The following PIP5K1C variants were observed in gnomAD, a reference collection of about 807,000 sequenced individuals.
The protein encoded by PIP5K1C is phosphatidylinositol-4-phosphate 5-kinase type 1 gamma.
PIP5K1C carries 45 observed loss-of-function variants against 80.1 expected under a neutral mutation model. The ratio of observed to expected loss-of-function variants is 0.56; its 90% confidence interval spans 0.44 to 0.72. The LOEUF (loss-of-function observed/expected upper bound fraction) is 0.72, where lower values mean the gene tolerates loss of function less well. Ranked by LOEUF, PIP5K1C falls within the 30% of genes least tolerant of loss-of-function variation. The probability of loss-of-function intolerance (pLI) is 0.00; values close to 1 mark genes in which losing one functional copy is unlikely to be tolerated. For missense variants in PIP5K1C, 753 were observed against 954.6 expected (o/e 0.79, Z 2.78); for synonymous variants, 498 against 420.1 (o/e 1.19, Z -2.27).
intron 1 of PIP5K1C, among the ~76,000 whole-genome samples, chr19:3,670,591 C>A (rs1178800925): frequency 6.6e-6 from 1 of 152,276 alleles, no homozygotes; most frequent in African/African-American, 2.4e-5. Context: ...AGGCCTGCTG[C>A]TCCAAGCCCC....
chr19:3,651,976 ATGT>A lies in PIP5K1C; in HGVS notation c.974_976del (p.Asn325del). The A allele has an allele frequency of 6.2e-7, 1 of 1,613,050 alleles. No homozygotes were observed. The highest frequency in any genetic ancestry group is 8.5e-7 in the Non-Finnish European group (1 of 1,179,972). ...CTGCCGCTCGCGCTCGTGCTGGTCG[ATGT>A]TGTGCACGCCCAGCAGCAGGCTGTA... On this transcript the variant is annotated inframe_deletion, in exon 8 of 18. Coordinates refer to ENST00000335312, the MANE Select transcript of PIP5K1C (RefSeq NM_012398.3).
Position 3,632,184 on chromosome 19 carries a change from C to T in PIP5K1C, c.*983G>A, listed in dbSNP as rs1346071394. The T allele has an allele frequency of 6.6e-6, 1 of 152,334 alleles. No individual in the cohort carries two copies. The highest frequency in any genetic ancestry group is 1.5e-5 in the Non-Finnish European group (1 of 68,104). The allele number at this position is 152,334 out of a possible 1,614,324, so 9.4% of individuals were successfully genotyped here. Reference sequence around the variant, plus strand: ...AGAGGCGGCGGACATCCACACCAGTCCTGAAGGAGACTCCTGTGGAGCCGG... The same window carrying T: ...AGAGGCGGCGGACATCCACACCAGTTCTGAAGGAGACTCCTGTGGAGCCGG... On this transcript the variant is annotated 3_prime_UTR_variant, in exon 18 of 18. Coordinates refer to ENST00000335312, the MANE Select transcript of PIP5K1C (RefSeq NM_012398.3).
intron 16 of PIP5K1C, among the ~76,000 whole-genome samples, chr19:3,635,849 G>A (rs1172341717): frequency 6.6e-6 from 1 of 151,066 alleles, no homozygotes; most frequent in African/African-American, 2.4e-5. Flanking sequence ...GCATGATGGC[G>A]GGCGCCTGTA....
intron 3 of PIP5K1C, among the ~76,000 whole-genome samples, chr19:3,662,690 T>C (rs900061078): frequency 2.6e-5 from 4 of 151,552 alleles, no homozygotes; most frequent in South Asian, 2.1e-4. Flanking sequence ...CTCAGCTTCC[T>C]GAGTAGCTGG....
chr19:3,681,072 CT>C (rs1255644440), intron 1 of PIP5K1C, among the ~76,000 whole-genome samples: 1 of 151,908 alleles, frequency 6.6e-6, no homozygotes, highest in Non-Finnish European at 1.5e-5. Context: ...AATCTCGCCC[CT>C]GTTCGCCCCC....
At chr19:3,682,036 T>G (rs938361344) in intron 1 of PIP5K1C, among the ~76,000 whole-genome samples, 3 of 151,690 alleles carry the variant, frequency 2.0e-5, no homozygotes, top group African/African-American at 7.3e-5. Flanking sequence ...CCCCCACCAA[T>G]AGCACAGAGG....
chr19:3,652,128 G>A (rs901135968), intron 7 of PIP5K1C, 97 bp from the exon 8 acceptor site: 44 of 1,110,588 alleles, frequency 4.0e-5, no homozygotes, highest in African/African-American at 1.6e-4. Flanking sequence ...GGATGGCCCC[G>A]TGGGCTCGGG....
chr19:3,672,275 G>A (rs116493343), intron 1 of PIP5K1C, among the ~76,000 whole-genome samples: 10,528 of 152,304 alleles, frequency 0.069, 452 homozygotes, highest in Non-Finnish European at 0.091. Flanking sequence ...CCTGGCCTGC[G>A]CCTGGTCTCC....
chr19:3,637,857 C>A lies in PIP5K1C; in HGVS notation c.1920+1027G>T. The A allele has an allele frequency of 6.5e-7, 1 of 1,535,414 alleles. No individual in the cohort carries two copies. The highest frequency in any genetic ancestry group is 8.7e-7 in the Non-Finnish European group (1 of 1,146,698). ...CAGACACACAGCACGACATGGCCCC[C>A]AGGCCCCCCGTACCATCCGGAGACC... On this transcript the variant is annotated intron_variant, in intron 16 of 17. Transcript: ENST00000335312. This position sits in a 1 kb window ranked among gnomAD's most constrained non-coding sequence, Gnocchi z 7.0.
At chr19:3,667,794 AG>A (rs547759836) in intron 1 of PIP5K1C, among the ~76,000 whole-genome samples, 82 of 152,342 alleles carry the variant, frequency 5.4e-4, no homozygotes, top group Admixed American at 4.9e-3. Context: ...GAACTGACCA[AG>A]CCCCGCTTCC....
chr19:3,642,552 C>T (rs897948513), intron 14 of PIP5K1C, among the ~76,000 whole-genome samples: 1 of 152,302 alleles, frequency 6.6e-6, no homozygotes, highest in African/African-American at 2.4e-5. Context: ...AAGTATCTTC[C>T]AAGAGACAAA....
At chr19:3,656,626 C>T in intron 5 of PIP5K1C, 69 bp from the exon 6 acceptor site, 1 of 1,559,542 alleles carries the variant, frequency 6.4e-7, no homozygotes, top group Non-Finnish European at 8.8e-7. Context: ...GGCTTCCGGT[C>T]TGCCCAACAG....
chr19:3,636,084 G>A (rs767875011), intron 16 of PIP5K1C, among the ~76,000 whole-genome samples: 4 of 152,124 alleles, frequency 2.6e-5, no homozygotes, highest in Non-Finnish European at 5.9e-5. Context: ...TTGTACCTGG[G>A]GGGTGGAGGT....
At chr19:3,660,886 A>G in intron 5 of PIP5K1C, 80 bp downstream of exon 5, 1 of 1,168,082 alleles carries the variant, frequency 8.6e-7, no homozygotes, top group South Asian at 1.2e-5. Context: ...CTGCCCCCAA[A>G]TGCCTGACCC....
In PIP5K1C at chr19:3,638,090, G is replaced by A. The variant is rs1226040508; in HGVS notation, c.1920+794C>T. 7 of 1,427,912 alleles carry A rather than the reference G, an allele frequency of 4.9e-6. No homozygotes were observed. In the Admixed American group the frequency reaches 1.7e-4, roughly 34 times the overall value. 88.5% of individuals were successfully genotyped at this position (1,427,912 alleles called of 1,614,324 possible). A position where few individuals can be genotyped will look rare whatever the true frequency, so the allele number is the denominator to read the frequency against. ...CCCTAAGGCCTGGTGCCCGTGCCCAGCCCTCCTTCCCAGGGGGTGCAGGGT... is the reference window on the plus strand; with the variant it reads ...CCCTAAGGCCTGGTGCCCGTGCCCAACCCTCCTTCCCAGGGGGTGCAGGGT... On this transcript the variant is annotated intron_variant, in intron 16 of 17. Transcript: ENST00000335312.
chr19:3,637,797 C>T lies in PIP5K1C; in HGVS notation c.1920+1087G>A, dbSNP rs185060828. Reference sequence around the variant, plus strand: ...GGGGCAGGACCGAGGACCCTTCTCCCTTCTCTGCTGCCCACCTGGCAGGGC... The same window carrying T: ...GGGGCAGGACCGAGGACCCTTCTCCTTTCTCTGCTGCCCACCTGGCAGGGC... On this transcript the variant is annotated intron_variant, in intron 16 of 17. Transcript: ENST00000335312. The surrounding 1 kb of genome is among the most constrained non-coding windows in gnomAD (Gnocchi z 7.0). 3.9e-4 allele frequency: 598 copies of T among 1,534,676 alleles called. 2 individuals are homozygous for T. The African/African-American group carries it at 7.3e-3, about 19-fold the overall frequency.
intron 5 of PIP5K1C, among the ~76,000 whole-genome samples, chr19:3,658,950 G>A (rs1349873777): frequency 6.6e-6 from 1 of 152,112 alleles, no homozygotes; most frequent in Non-Finnish European, 1.5e-5. Flanking sequence ...CGGCAGCTGC[G>A]CCGCTGACCT....
At chr19:3,698,510 G>A (rs562284105) in intron 1 of PIP5K1C, among the ~76,000 whole-genome samples, 4 of 152,322 alleles carry the variant, frequency 2.6e-5, no homozygotes, top group East Asian at 1.9e-4. Flanking sequence ...AGTCATAAAC[G>A]TGTGGCATTT....
intron 15 of PIP5K1C, among the ~76,000 whole-genome samples, chr19:3,639,605 T>C (rs1200270003): frequency 2.0e-5 from 3 of 152,030 alleles, no homozygotes; most frequent in Non-Finnish European, 4.4e-5. Context: ...CTAATTTTTT[T>C]TTTTTTTTTA....
Sources: allele counts gnomAD v4.1 joint callset (sites outside exome capture counted in the v4.1 genomes callset), GRCh38; gene constraint gnomAD v4.1.1; non-coding constraint Gnocchi (gnomAD v3.1); transcripts MANE v1.5; gene names NCBI Gene and HGNC (gene_info 2026-07-23, HGNC 2026-07-21).